The following ERC2 variants were observed in gnomAD, a reference collection of about 807,000 sequenced individuals.
ERC2 encodes the protein ELKS/RAB6-interacting/CAST family member 2.
A neutral mutation model predicts 114.8 loss-of-function variants in ERC2; 42 were observed. That is an observed-to-expected ratio of 0.37 (90% CI 0.29 to 0.47). The LOEUF is 0.47. Ranked by LOEUF, ERC2 falls within the 20% of genes least tolerant of loss-of-function variation. ERC2 has a pLI of 0.99. For missense variants in ERC2, 939 were observed against 1,150.7 expected, an observed-to-expected ratio of 0.82 and a Z score of 2.66; for synonymous variants, 454 against 425.5, an observed-to-expected ratio of 1.07 and a Z score of -0.82.
chr3:55,653,564 AGTGTGTGTGTGTGTGTGT>A (rs36231107), intron 17 of ERC2, among the ~76,000 whole-genome samples: 2,640 of 141,292 alleles, frequency 0.019, 66 homozygotes, highest in African/African-American at 0.059. Context: ...ACCTGGTAAA[AGTGTGTGTGTGTGTGTGT>A]GTGTGTGTGT....
chr3:55,866,140 T>A (rs2062302948), intron 14 of ERC2, among the ~76,000 whole-genome samples: 2 of 152,186 alleles, frequency 1.3e-5, no homozygotes, highest in Middle Eastern at 3.2e-3. Context: ...TTTTTTCTGA[T>A]AACCATCCTA....
intron 6 of ERC2, among the ~76,000 whole-genome samples, chr3:56,088,407 C>A (rs2077615511): frequency 6.6e-6 from 1 of 152,102 alleles, no homozygotes; most frequent in South Asian, 2.1e-4. Flanking sequence ...TACTTCCTTT[C>A]ACTCTTTCTA....
At chr3:55,584,022 T>C (rs548301492) in intron 17 of ERC2, among the ~76,000 whole-genome samples, 9 of 152,292 alleles carry the variant, frequency 5.9e-5, no homozygotes, top group African/African-American at 2.2e-4. Context: ...CATAAAACGG[T>C]AATAAGCTCA....
At chr3:56,038,619 A>C (rs1432114140) in intron 7 of ERC2, among the ~76,000 whole-genome samples, 1 of 152,228 alleles carries the variant, frequency 6.6e-6, no homozygotes, top group Non-Finnish European at 1.5e-5. Flanking sequence ...TTCTATTATA[A>C]ATATATACGC....
intron 7 of ERC2, among the ~76,000 whole-genome samples, chr3:56,061,163 T>G (rs1413014663): frequency 2.0e-5 from 3 of 152,210 alleles, no homozygotes; most frequent in African/African-American, 7.2e-5. Flanking sequence ...CAGGCACGAC[T>G]GCACATAAAT....
intron 15 of ERC2, among the ~76,000 whole-genome samples, chr3:55,714,667 G>GTGTGTGTGTATA (rs2063990871): frequency 1.1e-5 from 1 of 88,596 alleles, no homozygotes; most frequent in African/African-American, 5.0e-5. Context: ...GTGTGTGTGT[G>GTGTGTGTGTATA]TATATATATA....
At chr3:56,081,530 G>C (rs56058105) in intron 6 of ERC2, among the ~76,000 whole-genome samples, 3,004 of 145,210 alleles carry the variant, frequency 0.021, 91 homozygotes, top group African/African-American at 0.074. Flanking sequence ...CCATGCTCCA[G>C]CCTCATGAGA....
In ERC2 at chr3:56,348,971, GGAAAGAAAGAAGGAAA is replaced by G. The variant is rs879353646; in HGVS notation, c.658-52552_658-52537del. ...AGGAAGGAAGGAAAGAAAGAAAGAAGGAAAGAAAGAAGGAAAGAAAGAAAGAAAGAATTTAGTAACA... is the reference window on the plus strand; with the variant it reads ...AGGAAGGAAGGAAAGAAAGAAAGAAGGAAAGAAAGAAAGAATTTAGTAACA... On this transcript the variant is annotated intron_variant, in intron 2 of 17. Coordinates refer to ENST00000288221, the MANE Select transcript of ERC2 (RefSeq NM_015576.3). 7.7e-3 allele frequency among the ~76,000 whole-genome samples: 735 copies of G among 94,850 alleles called. 9 individuals carry two copies. The highest frequency in any genetic ancestry group is 0.034 in the South Asian group (106 of 3,156). 62.2% of individuals were successfully genotyped at this position (94,850 alleles called of 152,430 possible).
chr3:55,844,647 T>C (rs1292678644), intron 14 of ERC2, among the ~76,000 whole-genome samples: 1 of 152,204 alleles, frequency 6.6e-6, no homozygotes, highest in East Asian at 1.9e-4. Context: ...TGTACAAAGG[T>C]GAAGTCATAT....
chr3:56,300,828 C>T (rs913159479), intron 2 of ERC2, among the ~76,000 whole-genome samples: 25 of 152,188 alleles, frequency 1.6e-4, no homozygotes, highest in African/African-American at 3.6e-4. Context: ...GTTCAAACCA[C>T]GACATCATTG....
intron 3 of ERC2, among the ~76,000 whole-genome samples, chr3:56,284,986 CTG>C (rs1441088974): frequency 1.7e-4 from 23 of 139,036 alleles, no homozygotes; most frequent in African/African-American, 5.5e-4. Flanking sequence ...CTCAATCACT[CTG>C]TCTCTCTCTC....
intron 3 of ERC2, among the ~76,000 whole-genome samples, chr3:56,285,241 C>T (rs1207924379): frequency 6.6e-6 from 1 of 151,876 alleles, no homozygotes; most frequent in Non-Finnish European, 1.5e-5. Flanking sequence ...AGTTACTGTC[C>T]TTGCCACAGC....
At chr3:56,349,540 A>T (rs888295108) in intron 2 of ERC2, among the ~76,000 whole-genome samples, 11 of 152,244 alleles carry the variant, frequency 7.2e-5, no homozygotes, top group African/African-American at 2.7e-4. Context: ...CTGCTCCTGA[A>T]AAGTCTAAAG....
chr3:56,348,896 G>T, intron 2 of ERC2, among the ~76,000 whole-genome samples: 1 of 27,984 alleles, frequency 3.6e-5, no homozygotes, highest in Non-Finnish European at 1.3e-4. Flanking sequence ...AGGAAGGAAG[G>T]AAGGAAGGAA....
intron 3 of ERC2, among the ~76,000 whole-genome samples, chr3:56,197,453 C>A (rs1419369392): frequency 3.3e-5 from 5 of 152,148 alleles, no homozygotes; most frequent in Non-Finnish European, 7.4e-5. Context: ...CACTTTTGTT[C>A]ATATTCCATT....
intron 17 of ERC2, chr3:55,612,717 T>A (rs769770621): frequency 6.6e-6 from 1 of 152,200 alleles, no homozygotes; most frequent in Non-Finnish European, 1.5e-5. Context: ...AAAATTTACA[T>A]ACCATCAAGG....
At chr3:56,051,405 T>C (rs952656815) in intron 7 of ERC2, among the ~76,000 whole-genome samples, 1 of 152,084 alleles carries the variant, frequency 6.6e-6, no homozygotes, top group Non-Finnish European at 1.5e-5. Flanking sequence ...TTCACACATA[T>C]TTTTTAGAAA....
chr3:56,449,266 G>C (rs528687014), intron 1 of ERC2, among the ~76,000 whole-genome samples: 1 of 151,982 alleles, frequency 6.6e-6, no homozygotes, highest in South Asian at 2.1e-4. Context: ...AGACAACTCA[G>C]GGTCATTTAG....
intron 3 of ERC2, among the ~76,000 whole-genome samples, chr3:56,232,855 C>T (rs1172908054): frequency 6.6e-6 from 1 of 152,220 alleles, no homozygotes; most frequent in African/African-American, 2.4e-5. Flanking sequence ...AGCACCAGGG[C>T]CTTCTGCCTC....
Sources: allele counts gnomAD v4.1 joint callset (sites outside exome capture counted in the v4.1 genomes callset), GRCh38; gene constraint gnomAD v4.1.1; transcripts MANE v1.5; gene names NCBI Gene and HGNC (gene_info 2026-07-23, HGNC 2026-07-21).